The following PRR5L variants were observed in gnomAD, a reference collection of about 807,000 sequenced individuals.
The protein encoded by PRR5L is proline-rich protein 5-like.
Under a neutral mutation model 36.4 loss-of-function variants are expected in PRR5L, and 21 were observed. That is an observed-to-expected ratio of 0.58 (90% CI 0.41 to 0.83). The LOEUF (loss-of-function observed/expected upper bound fraction) is 0.83. Ranked by LOEUF, PRR5L falls within the 40% of genes least tolerant of loss-of-function variation. PRR5L has a pLI of 0.00. For synonymous variants in PRR5L, 188 were observed against 197.0 expected, an observed-to-expected ratio of 0.95 and a Z score of 0.38; for missense variants, 381 against 473.3, an observed-to-expected ratio of 0.80 and a Z score of 1.81.
At chr11:36,301,598 G>A (rs1266856807) in intron 1 of PRR5L, among the ~76,000 whole-genome samples, 1 of 152,134 alleles carries the variant, frequency 6.6e-6, no homozygotes, top group Non-Finnish European at 1.5e-5. Context: ...GAGGAAGTGG[G>A]GCATGGGGGG....
At chr11:36,301,051 T>C (rs1461096060) in intron 1 of PRR5L, 1 of 152,226 alleles carries the variant, frequency 6.6e-6, no homozygotes, top group Non-Finnish European at 1.5e-5. Context: ...TCTGAGCTTC[T>C]CTCCAGTTCT....
At chr11:36,437,899 T>A (rs897156323) in intron 6 of PRR5L, among the ~76,000 whole-genome samples, 11 of 152,138 alleles carry the variant, frequency 7.2e-5, no homozygotes, top group African/African-American at 2.7e-4. Context: ...ATTCAAATTA[T>A]GAAAAAGGAG....
intron 1 of PRR5L, among the ~76,000 whole-genome samples, chr11:36,337,632 T>G (rs983836653): frequency 6.6e-5 from 10 of 152,238 alleles, no homozygotes; most frequent in African/African-American, 2.2e-4. Context: ...TGCACTCAAC[T>G]TCCTCTCTGA....
intron 3 of PRR5L, among the ~76,000 whole-genome samples, chr11:36,417,925 G>C (rs1218310590): frequency 6.6e-6 from 1 of 152,212 alleles, no homozygotes; most frequent in Non-Finnish European, 1.5e-5. Context: ...GATCTGGGGA[G>C]CCAGTTATTC....
chr11:36,431,702 C>A, intron 4 of PRR5L, 151 bp from the exon 5 acceptor site: 1 of 633,256 alleles, frequency 1.6e-6, no homozygotes, highest in Non-Finnish European at 2.7e-6. Context: ...CTTAACCTTC[C>A]AAGAGGAAAA....
intron 1 of PRR5L, among the ~76,000 whole-genome samples, chr11:36,370,867 G>A (rs1310938067): frequency 9.4e-6 from 1 of 106,930 alleles, no homozygotes; most frequent in Non-Finnish European, 1.8e-5. Context: ...GGCAACAGTG[G>A]GAGACTCCAT....
chr11:36,332,023 G>T (rs1856724367), intron 1 of PRR5L, among the ~76,000 whole-genome samples: 1 of 152,112 alleles, frequency 6.6e-6, no homozygotes, highest in Non-Finnish European at 1.5e-5. Context: ...CCACAGGATT[G>T]TTGTGAGGAT....
intron 1 of PRR5L, among the ~76,000 whole-genome samples, chr11:36,354,958 G>A (rs544612323): frequency 1.7e-4 from 26 of 152,306 alleles, no homozygotes; most frequent in African/African-American, 6.3e-4. Context: ...CTAGAGGTTG[G>A]AGAACGTAAA....
chr11:36,419,346 G>C, intron 4 of PRR5L, 43 bp downstream of exon 4: 1 of 1,549,634 alleles, frequency 6.5e-7, no homozygotes, highest in Non-Finnish European at 8.9e-7. Context: ...TCATGCATGT[G>C]GGGGCATGGA....
chr11:36,351,457 T>TTA (rs1168728319), intron 1 of PRR5L, among the ~76,000 whole-genome samples: 1 of 47,188 alleles, frequency 2.1e-5, no homozygotes. Context: ...ATTTATATAT[T>TTA]TATATATTTA....
chr11:36,372,364 G>A (rs994456545), intron 1 of PRR5L, among the ~76,000 whole-genome samples: 1 of 152,118 alleles, frequency 6.6e-6, no homozygotes, highest in Non-Finnish European at 1.5e-5. Context: ...AATCTGAAAG[G>A]TGGTTTTGAT....
At chr11:36,350,436 A>G (rs781053290) in intron 1 of PRR5L, among the ~76,000 whole-genome samples, 1 of 152,002 alleles carries the variant, frequency 6.6e-6, no homozygotes, top group Non-Finnish European at 1.5e-5. Flanking sequence ...CTTAAAGGTA[A>G]AGATAAAGCT....
At chr11:36,350,439 A>G (rs1856917446) in intron 1 of PRR5L, among the ~76,000 whole-genome samples, 1 of 152,052 alleles carries the variant, frequency 6.6e-6, no homozygotes, top group Admixed American at 6.6e-5. Flanking sequence ...AAAGGTAAAG[A>G]TAAAGCTTGA....
At chr11:36,309,152 G>C (rs1856468229) in intron 1 of PRR5L, among the ~76,000 whole-genome samples, 1 of 152,172 alleles carries the variant, frequency 6.6e-6, no homozygotes, top group Admixed American at 6.5e-5. Flanking sequence ...GTTAAGTATG[G>C]CTCAGGGAGG....
Position 36,462,816 on chromosome 11 carries a change from G to C in PRR5L, c.*80G>C, listed in dbSNP as rs1859221046. On this transcript the variant is annotated 3_prime_UTR_variant, in exon 9 of 9. Transcript: ENST00000530639. ...TCCATCTCCGTGGATTACTGAGGGG[G>C]GCTCTTGCTTTATGCGATGCTGCCT... 1 of 1,336,020 alleles carries C rather than the reference G, an allele frequency of 7.5e-7. No individual in the cohort carries two copies. The highest frequency in any genetic ancestry group is 1.5e-5 in the African/African-American group (1 of 68,364). 82.8% of individuals were successfully genotyped at this position (1,336,020 alleles called of 1,614,324 possible).
intron 1 of PRR5L, chr11:36,380,709 T>A (rs879296012): frequency 2.3e-4 from 35 of 152,360 alleles, no homozygotes; most frequent in South Asian, 4.1e-4. Context: ...CTGACTTTTT[T>A]AAAAAACTCC....
intron 1 of PRR5L, among the ~76,000 whole-genome samples, chr11:36,333,302 CACTT>C (rs1405976115): frequency 6.6e-6 from 1 of 152,194 alleles, no homozygotes; most frequent in South Asian, 2.1e-4. Flanking sequence ...GAAAATGACA[CACTT>C]ACTTTGAAAA....
At chr11:36,425,295 G>A (rs1858357629) in intron 4 of PRR5L, among the ~76,000 whole-genome samples, 1 of 152,172 alleles carries the variant, frequency 6.6e-6, no homozygotes, top group Non-Finnish European at 1.5e-5. Context: ...AGAGATGGGG[G>A]TTATTTGTCT....
At position 36,462,811 on chromosome 11, in the gene PRR5L, A is replaced by G; in HGVS notation, c.*75A>G. The G allele has an allele frequency of 7.3e-7, 1 of 1,373,726 alleles. No homozygotes were observed. The highest frequency in any genetic ancestry group is 1.4e-5 in the African/African-American group (1 of 69,134). 85.1% of individuals were successfully genotyped at this position (1,373,726 alleles called of 1,614,324 possible). Reference sequence around the variant, plus strand: ...ACCCCTCCATCTCCGTGGATTACTGAGGGGGGCTCTTGCTTTATGCGATGC... The same window carrying G: ...ACCCCTCCATCTCCGTGGATTACTGGGGGGGGCTCTTGCTTTATGCGATGC... On this transcript the variant is annotated 3_prime_UTR_variant, in exon 9 of 9. Transcript: ENST00000530639.
Sources: allele counts gnomAD v4.1 joint callset (sites outside exome capture counted in the v4.1 genomes callset), GRCh38; gene constraint gnomAD v4.1.1; transcripts MANE v1.5; gene names NCBI Gene and HGNC (gene_info 2026-07-23, HGNC 2026-07-21).